Variants in MARCHF5 observed in about 807,000 individuals in gnomAD.
MARCHF5 encodes E3 ubiquitin-protein ligase MARCHF5.
A neutral mutation model predicts 36.5 loss-of-function variants in MARCHF5; 5 were observed. The observed-to-expected ratio is 0.14, with a 90% CI of 0.07 to 0.29. The LOEUF (loss-of-function observed/expected upper bound fraction) is 0.29, where lower values mean the gene tolerates loss of function less well. Ranked by LOEUF, MARCHF5 falls within the 10% of genes least tolerant of loss-of-function variation. MARCHF5 has a pLI of 1.00. For missense variants in MARCHF5, 179 were observed against 336.3 expected (o/e 0.53, Z 3.66); for synonymous variants, 103 against 109.9 (o/e 0.94, Z 0.39).
chr10:92,331,230 T>G (rs111745417), intron 2 of MARCHF5, among the ~76,000 whole-genome samples: 2 of 152,104 alleles, frequency 1.3e-5, no homozygotes, highest in African/African-American at 4.8e-5. Context: ...TTCAGCAAAG[T>G]TTTTCACTTC....
chr10:92,313,456 T>C (rs961060026), intron 2 of MARCHF5, among the ~76,000 whole-genome samples: 1 of 151,238 alleles, frequency 6.6e-6, no homozygotes, highest in Non-Finnish European at 1.5e-5. Flanking sequence ...TACAAAAAAA[T>C]TAGCCAGCCT....
chr10:92,319,591 G>A (rs879465486), intron 2 of MARCHF5, among the ~76,000 whole-genome samples: 4 of 151,910 alleles, frequency 2.6e-5, no homozygotes, highest in East Asian at 3.9e-4. Context: ...ACCGCGCCCG[G>A]CCTCTACTTT....
chr10:92,312,013 T>G (rs1168875318), intron 2 of MARCHF5, among the ~76,000 whole-genome samples: 1 of 152,154 alleles, frequency 6.6e-6, no homozygotes, highest in Non-Finnish European at 1.5e-5. Flanking sequence ...AGTTATAAAT[T>G]GGTGTCAATC....
intron 1 of MARCHF5, among the ~76,000 whole-genome samples, chr10:92,300,044 C>G (rs1842994115): frequency 6.6e-6 from 1 of 151,868 alleles, no homozygotes; most frequent in South Asian, 2.1e-4. Context: ...GCCTATACTC[C>G]CAGCTACTCA....
intron 1 of MARCHF5, among the ~76,000 whole-genome samples, chr10:92,306,036 C>T (rs1299272658): frequency 6.6e-6 from 1 of 152,158 alleles, no homozygotes; most frequent in Non-Finnish European, 1.5e-5. Context: ...TGATGCAATG[C>T]GAATTGGTTA....
In MARCHF5 at chr10:92,306,720, G is replaced by T. The variant is rs76754749; in HGVS notation, c.36-4415G>T. On this transcript the variant is annotated intron_variant, in intron 1 of 5. Transcript: ENST00000358935. ...TAAGACCTTCCCAGGTGATGTTCCT[G>T]GTCAGTCGGATGGGCAGGCGCAGTG... is the stretch of plus-strand genomic sequence containing the variant. 3.4e-3 allele frequency among the ~76,000 whole-genome samples: 520 copies of T among 152,200 alleles called. 4 individuals are homozygous for T. The highest frequency in any genetic ancestry group is 0.012 in the African/African-American group (504 of 41,546).
intron 2 of MARCHF5, among the ~76,000 whole-genome samples, chr10:92,339,688 T>C (rs577824230): frequency 6.6e-6 from 1 of 152,096 alleles, no homozygotes; most frequent in East Asian, 1.9e-4. Flanking sequence ...ATAAAAATAA[T>C]AAATAAATAA....
At chr10:92,339,308 T>A (rs1590665532) in intron 2 of MARCHF5, among the ~76,000 whole-genome samples, 1 of 151,830 alleles carries the variant, frequency 6.6e-6, no homozygotes, top group Admixed American at 6.6e-5. Context: ...AGGCGGAGGG[T>A]GCAGTGAACC....
In MARCHF5 at chr10:92,330,369, A is replaced by G. The variant is rs886322737; in HGVS notation, c.239-10304A>G. ...AGCTGAATTACAGGTCCAAAACATAACTATACAATCTTTTTTTAAAAGGAG... is the reference window on the plus strand; with the variant it reads ...AGCTGAATTACAGGTCCAAAACATAGCTATACAATCTTTTTTTAAAAGGAG... On this transcript the variant is annotated intron_variant, in intron 2 of 5. Coordinates refer to ENST00000358935, the MANE Select transcript of MARCHF5 (RefSeq NM_017824.5). Among the ~76,000 whole-genome samples, 14 of 152,318 alleles carry G rather than the reference A, an allele frequency of 9.2e-5. No homozygotes were observed. The East Asian group carries it at 2.7e-3, about 29-fold the overall frequency.
intron 3 of MARCHF5, among the ~76,000 whole-genome samples, chr10:92,345,104 G>C (rs926205297): frequency 1.3e-5 from 2 of 151,624 alleles, no homozygotes; most frequent in Non-Finnish European, 2.9e-5. Context: ...TTTGCCTCTA[G>C]TGCAAAGACA....
intron 1 of MARCHF5, among the ~76,000 whole-genome samples, chr10:92,307,255 C>T (rs1342984558): frequency 6.7e-6 from 1 of 150,320 alleles, no homozygotes; most frequent in African/African-American, 2.5e-5. Context: ...TTTTTTTTAG[C>T]CCTTAAGACT....
intron 1 of MARCHF5, among the ~76,000 whole-genome samples, chr10:92,298,405 C>T (rs1168116044): frequency 2.0e-5 from 3 of 152,158 alleles, no homozygotes; most frequent in South Asian, 2.1e-4. Flanking sequence ...GACCTCTTTT[C>T]CTCATTTCCT....
chr10:92,295,407 A>C (rs74841323), intron 1 of MARCHF5, among the ~76,000 whole-genome samples: 1 of 77,884 alleles, frequency 1.3e-5, no homozygotes, highest in Non-Finnish European at 2.6e-5. Flanking sequence ...TTATTTATTT[A>C]TTTTTTATTT....
In MARCHF5 at chr10:92,353,252, C is replaced by T. The variant is rs906645815; in HGVS notation, c.*2045C>T. On this transcript the variant is annotated 3_prime_UTR_variant, in exon 6 of 6. Transcript: ENST00000358935. ...ATTATTATTAGCTCGAGAAATACCA[C>T]ATGCCAGTCTTCCCAGGAAGGTGAC... 2 of 152,192 alleles carry T rather than the reference C, an allele frequency of 1.3e-5. No individual in the cohort carries two copies. Among genetic ancestry groups the T allele is most frequent in the African/African-American group, 4.8e-5 (2 of 41,448 alleles). 9.4% of individuals were successfully genotyped at this position (152,192 alleles called of 1,614,324 possible). A position where few individuals can be genotyped will look rare whatever the true frequency, so the allele number is the denominator to read the frequency against.
intron 2 of MARCHF5, among the ~76,000 whole-genome samples, chr10:92,318,426 C>CAA (rs397845333): frequency 2.4e-5 from 3 of 124,624 alleles, no homozygotes; most frequent in Admixed American, 1.6e-4. Context: ...GACCCTGTCT[C>CAA]AAAAAAAAAA....
At chr10:92,348,045 T>C (rs1041591088) in intron 3 of MARCHF5, among the ~76,000 whole-genome samples, 2 of 151,486 alleles carry the variant, frequency 1.3e-5, no homozygotes, top group Non-Finnish European at 2.9e-5. Flanking sequence ...TAGCTGGGCG[T>C]GGAGGTGCAC....
At chr10:92,343,047 A>C (rs1164792967) in intron 3 of MARCHF5, among the ~76,000 whole-genome samples, 1 of 152,244 alleles carries the variant, frequency 6.6e-6, no homozygotes, top group African/African-American at 2.4e-5. Flanking sequence ...ACATGAGTGT[A>C]GTGAATAAAG....
At chr10:92,309,103 TAAG>T (rs1354425805) in intron 1 of MARCHF5, among the ~76,000 whole-genome samples, 1 of 152,108 alleles carries the variant, frequency 6.6e-6, no homozygotes, top group African/African-American at 2.4e-5. Flanking sequence ...CAGCAAAAAA[TAAG>T]AATAATGAAT....
intron 2 of MARCHF5, among the ~76,000 whole-genome samples, chr10:92,328,821 A>ATT (rs34713388): frequency 0.02 from 2,388 of 122,320 alleles, 54 homozygotes; most frequent in East Asian, 0.097. Flanking sequence ...ATATATATAT[A>ATT]TTTTTTTTTT....
Sources: gnomAD v4.1 joint callset for allele counts (sites outside exome capture counted in the v4.1 genomes callset) on GRCh38, gnomAD v4.1.1 for gene constraint, MANE v1.5 for transcripts, NCBI Gene and HGNC (gene_info 2026-07-23, HGNC 2026-07-21) for gene names.